LIN9: variants seen among roughly 807,000 people sequenced by gnomAD.
The protein encoded by LIN9 is lin-9 DREAM MuvB core complex component.
LIN9 carries 18 observed loss-of-function variants against 78.0 expected under a neutral mutation model. That is an observed-to-expected ratio of 0.23 (90% confidence interval 0.16 to 0.34). The LOEUF (loss-of-function observed/expected upper bound fraction) is 0.34. LIN9 is among the 10% of genes least tolerant of loss of function. LIN9 has a pLI of 1.00. For missense variants in LIN9, 451 were observed against 644.1 expected, an observed-to-expected ratio of 0.70 and a Z score of 3.25; for synonymous variants, 192 against 215.2, an observed-to-expected ratio of 0.89 and a Z score of 0.94.
At chr1:226,256,569 A>ATT (rs1361154119) in intron 10 of LIN9, among the ~76,000 whole-genome samples, 81 of 150,278 alleles carry the variant, frequency 5.4e-4, no homozygotes, top group African/African-American at 1.8e-3. Context: ...ATATATATAT[A>ATT]TTTTTTTGAG....
chr1:226,309,240 C>T, upstream of LIN9: 2 of 1,364,706 alleles, frequency 1.5e-6, no homozygotes, highest in East Asian at 3.3e-5. Flanking sequence ...AGCTCGCTGC[C>T]CGCGGCGCCG....
Position 226,301,160 on chromosome 1 carries a change from C to T in LIN9, c.64+13G>A, listed in dbSNP as rs376509462. On this transcript the variant is annotated intron_variant, in intron 2 of 14. Transcript: ENST00000681046. ...TTTAGCTATGGTATACCTAAAAATG[C>T]TATACTTCTTACCTTTTAAACTGAC... is the stretch of plus-strand genomic sequence containing the variant. The T allele has an allele frequency of 3.8e-4, 599 of 1,591,332 alleles. No individual in the cohort carries two copies. The highest frequency in any genetic ancestry group is 4.7e-4 in the Non-Finnish European group (555 of 1,169,858).
chr1:226,253,234 C>T (rs1658955375), intron 10 of LIN9, among the ~76,000 whole-genome samples: 1 of 147,768 alleles, frequency 6.8e-6, no homozygotes, highest in South Asian at 2.1e-4. Context: ...CTGCACTCAG[C>T]CTGGGTGACA....
intron 4 of LIN9, among the ~76,000 whole-genome samples, chr1:226,292,045 T>A (rs866658386): frequency 2.0e-5 from 3 of 152,190 alleles, no homozygotes; most frequent in Non-Finnish European, 4.4e-5. Flanking sequence ...TCTACTACAT[T>A]ATTGACCCAG....
chr1:226,277,634 GAT>G, intron 7 of LIN9, 139 bp downstream of exon 7: 3 of 727,558 alleles, frequency 4.1e-6, no homozygotes, highest in Non-Finnish European at 6.6e-6. Context: ...GAGGGATAGG[GAT>G]AGGGTGAGGG....
chr1:226,290,415 A>C (rs1481764709), intron 4 of LIN9, among the ~76,000 whole-genome samples: 2 of 147,998 alleles, frequency 1.4e-5, no homozygotes, highest in Non-Finnish European at 3.0e-5. Flanking sequence ...ATCTCGGCTC[A>C]CTGCAAGCTC....
chr1:226,272,122 T>A (rs978523409), intron 7 of LIN9, among the ~76,000 whole-genome samples: 1 of 150,966 alleles, frequency 6.6e-6, no homozygotes, highest in South Asian at 2.1e-4. Context: ...GTGGGTGAGA[T>A]CTTGGCTCGC....
At chr1:226,269,701 A>C (rs993549410) in intron 7 of LIN9, among the ~76,000 whole-genome samples, 3 of 152,168 alleles carry the variant, frequency 2.0e-5, no homozygotes, top group African/African-American at 7.2e-5. Context: ...AGAGCCATAA[A>C]AGGGCGGAAA....
At chr1:226,260,354 C>T (rs115991934) in intron 10 of LIN9, among the ~76,000 whole-genome samples, 206 of 152,158 alleles carry the variant, frequency 1.4e-3, no homozygotes, top group African/African-American at 4.7e-3. Flanking sequence ...TACCTTAATA[C>T]CAAAATCTGA....
intron 2 of LIN9, among the ~76,000 whole-genome samples, chr1:226,298,820 G>A (rs1662326236): frequency 1.3e-5 from 2 of 152,142 alleles, no homozygotes; most frequent in South Asian, 2.1e-4. Context: ...GGGTCAAAGC[G>A]AGCCAGGGTC....
chr1:226,296,075 C>T lies in LIN9; in HGVS notation c.160-129G>A, dbSNP rs1662131278. The T allele has an allele frequency of 3.1e-5, 18 of 583,898 alleles. No homozygotes were observed. The East Asian group carries it at 5.3e-4, about 17-fold the overall frequency. The allele number at this position is 583,898 out of a possible 1,614,324, so 36.2% of individuals were successfully genotyped here. A position where few individuals can be genotyped will look rare whatever the true frequency, so the allele number is the denominator to read the frequency against. ...GCAGTATGGAAGGATAAAGTATGGG[C>T]AACACAAAGCACACAAAGCCAAATA... On this transcript the variant is annotated intron_variant, in intron 3 of 14. Transcript: ENST00000681046.
intron 4 of LIN9, among the ~76,000 whole-genome samples, chr1:226,291,297 T>C (rs1047835882): frequency 2.6e-5 from 4 of 152,072 alleles, no homozygotes; most frequent in Admixed American, 1.3e-4. Flanking sequence ...TACTATTCAA[T>C]AGTAAAAAGA....
At chr1:226,257,488 A>C (rs1659276962) in intron 10 of LIN9, among the ~76,000 whole-genome samples, 1 of 152,216 alleles carries the variant, frequency 6.6e-6, no homozygotes, top group Admixed American at 6.5e-5. Flanking sequence ...GTATAAATAA[A>C]ATAATGAGAG....
intron 8 of LIN9, among the ~76,000 whole-genome samples, chr1:226,267,463 C>T (rs1660008935): frequency 1.3e-5 from 2 of 150,036 alleles, no homozygotes; most frequent in African/African-American, 4.9e-5. Context: ...TAGTCTCAGC[C>T]TAATAGGAAA....
chr1:226,234,893 A>ATTT (rs558971569), intron 12 of LIN9, among the ~76,000 whole-genome samples: 11 of 134,338 alleles, frequency 8.2e-5, no homozygotes, highest in South Asian at 2.4e-4. Context: ...GTTATCCTAA[A>ATTT]TTTTTTTTTT....
chr1:226,233,243 G>T lies in LIN9; in HGVS notation c.1426-50C>A, dbSNP rs377046809. On this transcript the variant is annotated intron_variant, in intron 13 of 14. Coordinates refer to ENST00000681046, the MANE Select transcript of LIN9 (RefSeq NM_001366245.2). The stretch of plus-strand genomic sequence containing the variant: ...TTAATTGCATTATAGCTCAAATATA[G>T]TCATAAAATACCTGATATAATCAAT... The T allele has an allele frequency of 2.8e-5, 43 of 1,522,930 alleles. No homozygotes were observed. The African/African-American group carries it at 5.4e-4, about 19-fold the overall frequency. The allele number at this position is 1,522,930 out of a possible 1,614,324, so 94.3% of individuals were successfully genotyped here.
intron 10 of LIN9, among the ~76,000 whole-genome samples, chr1:226,258,894 CAAA>C (rs770169450): frequency 1.8e-5 from 1 of 54,776 alleles, no homozygotes; most frequent in South Asian, 8.8e-4. Flanking sequence ...TCTGTCTCAA[CAAA>C]AAAAAAAAAA....
At chr1:226,308,210 G>A (rs936382437) in intron 1 of LIN9, among the ~76,000 whole-genome samples, 3 of 152,024 alleles carry the variant, frequency 2.0e-5, no homozygotes, top group Non-Finnish European at 2.9e-5. Flanking sequence ...ATGCAATATT[G>A]TAAATTACAA....
At chr1:226,255,826 A>T (rs1441194899) in intron 10 of LIN9, among the ~76,000 whole-genome samples, 1 of 152,178 alleles carries the variant, frequency 6.6e-6, no homozygotes, top group Non-Finnish European at 1.5e-5. Flanking sequence ...GAGAACAAAG[A>T]CTGAAAAAAT....
Sources: allele counts gnomAD v4.1 joint callset (sites outside exome capture counted in the v4.1 genomes callset), GRCh38; gene constraint gnomAD v4.1.1; transcripts MANE v1.5; gene names NCBI Gene and HGNC (gene_info 2026-07-23, HGNC 2026-07-21).